The following TAFA1 variants were observed in gnomAD, a reference collection of about 807,000 sequenced individuals.
The protein encoded by TAFA1 is TAFA chemokine like family member 1.
Under a neutral mutation model 18.5 loss-of-function variants are expected in TAFA1, and 4 were observed. That is an observed-to-expected ratio of 0.22 (90% confidence interval 0.11 to 0.49). The LOEUF (loss-of-function observed/expected upper bound fraction) is 0.49. Among genes scored for constraint, TAFA1 ranks in the 20% least tolerant of loss-of-function variants. The pLI, the probability that TAFA1 is intolerant of heterozygous loss-of-function variation, is 0.98. For synonymous variants in TAFA1, 56 were observed against 55.2 expected, an observed-to-expected ratio of 1.01 and a Z score of -0.06; for missense variants, 147 against 169.0, an observed-to-expected ratio of 0.87 and a Z score of 0.72.
intron 2 of TAFA1, among the ~76,000 whole-genome samples, chr3:68,153,324 A>G (rs2065829446): frequency 6.6e-6 from 1 of 152,200 alleles, no homozygotes; most frequent in Admixed American, 6.5e-5. Context: ...CACTGAAATG[A>G]ATAAAGTTGT....
intron 2 of TAFA1, among the ~76,000 whole-genome samples, chr3:68,407,377 G>A (rs909285932): frequency 5.3e-5 from 8 of 152,078 alleles, no homozygotes; most frequent in Admixed American, 3.9e-4. Context: ...TCTGGAAACT[G>A]AATCACAGCA....
chr3:68,107,781 A>G (rs1193539098), intron 2 of TAFA1, among the ~76,000 whole-genome samples: 3 of 152,162 alleles, frequency 2.0e-5, no homozygotes, highest in East Asian at 3.8e-4. Context: ...CATAGCACCA[A>G]TTAACAGAGT....
chr3:68,223,914 ATGTGAC>A (rs2066763419), intron 2 of TAFA1, among the ~76,000 whole-genome samples: 1 of 151,782 alleles, frequency 6.6e-6, no homozygotes, highest in Non-Finnish European at 1.5e-5. Context: ...AGCCATGTTT[ATGTGAC>A]TACCTCAACA....
At chr3:68,535,563 C>T (rs1406101958) in intron 3 of TAFA1, among the ~76,000 whole-genome samples, 1 of 152,116 alleles carries the variant, frequency 6.6e-6, no homozygotes, top group African/African-American at 2.4e-5. Context: ...ATCATACATA[C>T]TTTGGTCTGG....
chr3:68,177,798 A>G (rs1441329888), intron 2 of TAFA1, among the ~76,000 whole-genome samples: 1 of 152,140 alleles, frequency 6.6e-6, no homozygotes, highest in African/African-American at 2.4e-5. Flanking sequence ...TTCTCCTTCT[A>G]AACTCTGATG....
rs117571354 is a variant in TAFA1 at position 68,522,092 on chromosome 3, C to T, written c.260-16664C>T. 6.6e-5 allele frequency among the ~76,000 whole-genome samples: 10 copies of T among 151,964 alleles called. No individual in the cohort carries two copies. The East Asian group carries it at 1.7e-3, about 27-fold the overall frequency. On this transcript the variant is annotated intron_variant, in intron 3 of 4. Transcript: ENST00000478136. ...CATCTCCTGGCTTCAAGCAATCCTC[C>T]CACCTCAGCTTCCCAAAGTACTTGG...
chr3:68,244,998 G>T (rs2067048111), intron 2 of TAFA1, among the ~76,000 whole-genome samples: 1 of 152,112 alleles, frequency 6.6e-6, no homozygotes, highest in Non-Finnish European at 1.5e-5. Flanking sequence ...CTTACCAAAG[G>T]AAGCTCAGAA....
chr3:68,210,095 C>A (rs1451264949), intron 2 of TAFA1, among the ~76,000 whole-genome samples: 1 of 151,810 alleles, frequency 6.6e-6, no homozygotes, highest in Non-Finnish European at 1.5e-5. Context: ...TTGGAACTGT[C>A]TCTCGTTACC....
intron 2 of TAFA1, among the ~76,000 whole-genome samples, chr3:68,025,679 A>ATCTG (rs1205470496): frequency 5.9e-5 from 9 of 152,090 alleles, no homozygotes; most frequent in Non-Finnish European, 1.2e-4. Flanking sequence ...ATAGGCACAC[A>ATCTG]TCTGTATTCA....
At chr3:68,452,735 G>C (rs1010797313) in intron 3 of TAFA1, among the ~76,000 whole-genome samples, 1 of 152,122 alleles carries the variant, frequency 6.6e-6, no homozygotes, top group Non-Finnish European at 1.5e-5. Flanking sequence ...GTGTGAAATT[G>C]ATTGTAAATC....
chr3:68,097,916 G>A (rs2065105879), intron 2 of TAFA1, among the ~76,000 whole-genome samples: 1 of 152,074 alleles, frequency 6.6e-6, no homozygotes, highest in Non-Finnish European at 1.5e-5. Context: ...CCATTGTCAC[G>A]TAAATGAGAG....
chr3:68,234,508 A>T (rs2066905996), intron 2 of TAFA1, among the ~76,000 whole-genome samples: 1 of 152,178 alleles, frequency 6.6e-6, no homozygotes, highest in Non-Finnish European at 1.5e-5. Context: ...TCTGAGTGCA[A>T]TGAAAGTATA....
intron 2 of TAFA1, among the ~76,000 whole-genome samples, chr3:68,043,020 G>T (rs1705198162): frequency 6.6e-6 from 1 of 152,106 alleles, no homozygotes. Flanking sequence ...AAGTAGTTGG[G>T]ATTACAGGTG....
intron 2 of TAFA1, among the ~76,000 whole-genome samples, chr3:68,413,293 T>G (rs966439296): frequency 6.6e-6 from 1 of 152,180 alleles, no homozygotes. Flanking sequence ...GTCAGATAGG[T>G]AGATTGTAAA....
At chr3:68,142,802 C>T (rs2065684494) in intron 2 of TAFA1, among the ~76,000 whole-genome samples, 1 of 152,144 alleles carries the variant, frequency 6.6e-6, no homozygotes, top group African/African-American at 2.4e-5. Flanking sequence ...TTCCATGGAG[C>T]AGACCGGTGC....
At position 68,037,187 on chromosome 3, in the gene TAFA1, G is replaced by A. The variant is rs190227810; in HGVS notation, c.118+30443G>A. Among the ~76,000 whole-genome samples the A allele has an allele frequency of 9.9e-5, 15 of 152,234 alleles. No homozygotes were observed. The East Asian group carries it at 1.9e-3, about 20-fold the overall frequency. On this transcript the variant is annotated intron_variant, in intron 2 of 4. Coordinates refer to ENST00000478136, the MANE Select transcript of TAFA1 (RefSeq NM_213609.4). ...GGGTAGGAGAAGGGTGTTCCAGACA[G>A]AAGAAAGAACAAGTAGAAAGGCAAT... is the stretch of plus-strand genomic sequence containing the variant.
intron 3 of TAFA1, among the ~76,000 whole-genome samples, chr3:68,497,529 G>A (rs1023349102): frequency 6.6e-6 from 1 of 152,120 alleles, no homozygotes; most frequent in Non-Finnish European, 1.5e-5. Flanking sequence ...GGGTGGAAGG[G>A]TGGGAGGTTG....
intron 2 of TAFA1, among the ~76,000 whole-genome samples, chr3:68,036,254 A>T (rs183619860): frequency 6.6e-6 from 1 of 151,942 alleles, no homozygotes; most frequent in Non-Finnish European, 1.5e-5. Flanking sequence ...GTCTGACCAA[A>T]ATGGTGAAAC....
intron 2 of TAFA1, among the ~76,000 whole-genome samples, chr3:68,240,077 G>T (rs2066977123): frequency 6.6e-6 from 1 of 152,170 alleles, no homozygotes; most frequent in African/African-American, 2.4e-5. Flanking sequence ...GCTGGGATTA[G>T]AACCACCAGT....
Sources: allele counts gnomAD v4.1 joint callset (sites outside exome capture counted in the v4.1 genomes callset), GRCh38; gene constraint gnomAD v4.1.1; transcripts MANE v1.5; gene names NCBI Gene and HGNC (gene_info 2026-07-23, HGNC 2026-07-21).